TSC22D1: variants seen among roughly 807,000 people sequenced by gnomAD.
The protein encoded by TSC22D1 is TSC22 domain family protein 1.
A neutral mutation model predicts 74.2 loss-of-function variants in TSC22D1; 9 were observed. The observed-to-expected ratio is 0.12, with a 90% CI of 0.07 to 0.21. TSC22D1 has a LOEUF of 0.21. TSC22D1 is among the 10% of genes least tolerant of loss of function. The pLI, the probability that TSC22D1 is intolerant of heterozygous loss-of-function variation, is 1.00. For synonymous variants in TSC22D1, 586 were observed against 492.5 expected, an observed-to-expected ratio of 1.19 and a Z score of -2.51; for missense variants, 1,427 against 1,304.7, an observed-to-expected ratio of 1.09 and a Z score of -1.44.
At chr13:44,449,964 C>T (rs1015883068) in intron 1 of TSC22D1, among the ~76,000 whole-genome samples, 1 of 152,228 alleles carries the variant, frequency 6.6e-6, no homozygotes, top group African/African-American at 2.4e-5. Flanking sequence ...GAGTAAGACA[C>T]AATCCTTGCT....
intron 1 of TSC22D1, among the ~76,000 whole-genome samples, chr13:44,542,650 T>C (rs529865028): frequency 6.6e-6 from 1 of 152,156 alleles, no homozygotes; most frequent in African/African-American, 2.4e-5. Context: ...TACTCAGAAA[T>C]GAATAAGCAG....
chr13:44,543,444 T>A (rs1881603940), intron 1 of TSC22D1, among the ~76,000 whole-genome samples: 1 of 152,232 alleles, frequency 6.6e-6, no homozygotes, highest in South Asian at 2.1e-4. Flanking sequence ...AACCTGGACA[T>A]TCTACATACA....
At chr13:44,530,500 A>C (rs527725791) in intron 1 of TSC22D1, among the ~76,000 whole-genome samples, 1 of 152,242 alleles carries the variant, frequency 6.6e-6, no homozygotes, top group South Asian at 2.1e-4. Context: ...ATTTTTAGAT[A>C]CACCACCAAA....
At chr13:44,487,521 A>AAAAAAAAAAAAG (rs1566135759) in intron 1 of TSC22D1, among the ~76,000 whole-genome samples, 1 of 147,816 alleles carries the variant, frequency 6.8e-6, no homozygotes, top group African/African-American at 2.5e-5. Context: ...AAAAAAAAAA[A>AAAAAAAAAAAAG]AAAAAAGAAA....
intron 1 of TSC22D1, among the ~76,000 whole-genome samples, chr13:44,476,993 T>G (rs1877948209): frequency 6.6e-6 from 1 of 152,120 alleles, no homozygotes; most frequent in South Asian, 2.1e-4. Context: ...TTGTTTGTTT[T>G]ATTTTGAGCA....
chr13:44,495,646 C>T (rs1878939229), intron 1 of TSC22D1, among the ~76,000 whole-genome samples: 1 of 151,554 alleles, frequency 6.6e-6, no homozygotes, highest in Non-Finnish European at 1.5e-5. Flanking sequence ...TTTGTAGCAA[C>T]AACATAAAAA....
At chr13:44,494,838 G>C (rs781166035) in intron 1 of TSC22D1, among the ~76,000 whole-genome samples, 1 of 152,112 alleles carries the variant, frequency 6.6e-6, no homozygotes, top group Non-Finnish European at 1.5e-5. Context: ...AGAGCTTAAA[G>C]GAAACATGGA....
Position 44,575,720 on chromosome 13 carries a change from C to A in TSC22D1, c.355G>T (p.Ala119Ser). ...GAGCTGATACTAGCGGAGATCTGAG[C>A]AGGAGTAACGCTAGTTATCTGGAAG... ...SGFQITSVTP[A>S]QISASISSNN... The change falls in exon 1 of 3, where the codon GCT becomes TCT. Residue 119 changes from alanine (A) to serine (S), a missense_variant. Physicochemically the swap from Ala to Ser is moderately conservative, Grantham distance 99. Around this residue, in one of 3 missense-constraint regions of TSC22D1, gnomAD observed 1,343 missense variants for 1,191.5 expected, o/e 1.13. Transcript: ENST00000458659. 1 of 1,614,180 alleles carries A rather than the reference C, an allele frequency of 6.2e-7. No individual in the cohort carries two copies. The highest frequency in any genetic ancestry group is 8.5e-7 in the Non-Finnish European group (1 of 1,180,036).
chr13:44,554,055 T>C (rs1882460478), intron 1 of TSC22D1, among the ~76,000 whole-genome samples: 1 of 152,182 alleles, frequency 6.6e-6, no homozygotes, highest in African/African-American at 2.4e-5. Flanking sequence ...CCATTTTAAC[T>C]TACAGTGCTT....
At chr13:44,550,963 C>A (rs1453879605) in intron 1 of TSC22D1, among the ~76,000 whole-genome samples, 1 of 150,472 alleles carries the variant, frequency 6.6e-6, no homozygotes, top group Admixed American at 6.6e-5. Context: ...AAAAATAAAC[C>A]GGGCATGGTG....
intron 1 of TSC22D1, among the ~76,000 whole-genome samples, chr13:44,545,154 G>A (rs1299976110): frequency 6.6e-6 from 1 of 152,042 alleles, no homozygotes. Context: ...GGCCAACATG[G>A]TAAAACCCAT....
At chr13:44,559,825 G>A (rs1252868845) in intron 1 of TSC22D1, among the ~76,000 whole-genome samples, 1 of 151,922 alleles carries the variant, frequency 6.6e-6, no homozygotes, top group Non-Finnish European at 1.5e-5. Context: ...TCAAGAAGCT[G>A]GGACTGCAGG....
chr13:44,433,918 A>G lies in TSC22D1; in HGVS notation c.*708T>C. 6.9e-7 allele frequency: 1 copy of G among 1,451,454 alleles called. No homozygotes were observed. The highest frequency in any genetic ancestry group is 9.2e-7 in the Non-Finnish European group (1 of 1,092,618). 89.9% of individuals were successfully genotyped at this position (1,451,454 alleles called of 1,614,324 possible). ...ATGAAACAACTAAATTTCAATCTGT[A>G]CAACCTAAATAGTAGTTACAGTCCT... On this transcript the variant is annotated 3_prime_UTR_variant, in exon 3 of 3. Transcript: ENST00000458659.
At chr13:44,506,483 G>A (rs1488633015) in intron 1 of TSC22D1, among the ~76,000 whole-genome samples, 1 of 152,120 alleles carries the variant, frequency 6.6e-6, no homozygotes, top group East Asian at 1.9e-4. Flanking sequence ...GACCTGTTGA[G>A]GGGGCAGGGG....
chr13:44,443,467 T>G (rs937937506), intron 1 of TSC22D1, among the ~76,000 whole-genome samples: 7 of 152,060 alleles, frequency 4.6e-5, no homozygotes, highest in African/African-American at 1.7e-4. Flanking sequence ...ATGAAAAAAC[T>G]AGATCTACGC....
chr13:44,544,084 C>T lies in TSC22D1; in HGVS notation c.2912+29079G>A, dbSNP rs993084378. Among the ~76,000 whole-genome samples the T allele has an allele frequency of 9.9e-5, 15 of 152,080 alleles. No individual in the cohort carries two copies. The South Asian group carries it at 1.2e-3, about 13-fold the overall frequency. On this transcript the variant is annotated intron_variant, in intron 1 of 2. Coordinates refer to ENST00000458659, the MANE Select transcript of TSC22D1 (RefSeq NM_183422.4). ...CTCCAGCATGGGTGACACAGCAAGA[C>T]TCCGTCTCAAAAAATAAAAAATAAA...
chr13:44,496,221 A>G (rs997654125), intron 1 of TSC22D1, among the ~76,000 whole-genome samples: 6 of 152,210 alleles, frequency 3.9e-5, no homozygotes, highest in African/African-American at 7.2e-5. Flanking sequence ...CACATGAAAG[A>G]TGCTCATCAC....
At position 44,434,702 on chromosome 13, in the gene TSC22D1, G is replaced by C. The variant is rs372349466; in HGVS notation, c.3146C>G (p.Pro1049Arg). The C allele has an allele frequency of 6.2e-7, 1 of 1,606,906 alleles. No individual in the cohort carries two copies. The highest frequency in any genetic ancestry group is 8.5e-7 in the Non-Finnish European group (1 of 1,176,948). ...FQAQLQTGSP[P>R]ATTQPQGTTQ... ...GGTGCCCTGTGGCTGGGTGGTGGCA[G>C]GGGGGGAGCCAGTCTGCAGCTGGGC... Residue 1049 changes from proline to arginine, a missense_variant, in exon 3 of 3, where the codon CCT becomes CGT. This residue lies in a region of TSC22D1 where 63 missense variants were observed against 50.5 expected (regional missense o/e 1.25). Coordinates refer to ENST00000458659, the MANE Select transcript of TSC22D1 (RefSeq NM_183422.4).
rs1479600777 is a variant in TSC22D1 at position 44,453,289 on chromosome 13, TATAA to T, written c.2913-17198_2913-17195del. ...GTAGCCACTCCTCGTTTCTGCTTAA[TATAA>T]CTTTTTTGCATAAACATATGCATGA... is the stretch of plus-strand genomic sequence containing the variant. On this transcript the variant is annotated intron_variant, in intron 1 of 2. Transcript: ENST00000458659. Among the ~76,000 whole-genome samples the T allele has an allele frequency of 6.2e-3, 57 of 9,224 alleles. No homozygotes were observed. The Non-Finnish European group carries it at 0.13, about 20-fold the overall frequency. The allele number at this position is 9,224 out of a possible 152,430, so 6.1% of individuals were successfully genotyped here. A position where few individuals can be genotyped will look rare whatever the true frequency, so the allele number is the denominator to read the frequency against.
Sources: allele counts gnomAD v4.1 joint callset (sites outside exome capture counted in the v4.1 genomes callset), GRCh38; gene constraint gnomAD v4.1.1; regional missense constraint gnomAD v4.1.1; transcripts MANE v1.5; gene names NCBI Gene and HGNC (gene_info 2026-07-23, HGNC 2026-07-21).